The following TENM3 variants were observed in gnomAD, a reference collection of about 807,000 sequenced individuals.
The protein encoded by TENM3 is teneurin-3.
TENM3 carries 63 observed loss-of-function variants against 255.1 expected under a neutral mutation model. The observed-to-expected ratio is 0.25, with a 90% CI of 0.20 to 0.30. The LOEUF is 0.30. TENM3 is among the 10% of genes least tolerant of loss of function. TENM3 has a pLI of 1.00. For missense variants in TENM3, 2,929 were observed against 3,461.1 expected (o/e 0.85, Z 3.86); for synonymous variants, 1,306 against 1,322.3 (o/e 0.99, Z 0.27).
At chr4:181,631,565 C>G in the TENM3 span, among the ~76,000 whole-genome samples, 2 of 152,162 alleles carry the variant, frequency 1.3e-5, no homozygotes, top group Admixed American at 1.3e-4. Context: ...GCTCAGATTA[C>G]AGGCATGAGC....
intron 22 of TENM3, among the ~76,000 whole-genome samples, chr4:182,760,604 CTG>C (rs1386326471): frequency 3.9e-5 from 6 of 152,190 alleles, no homozygotes; most frequent in Non-Finnish European, 5.9e-5. Context: ...GGAGCTGACT[CTG>C]TGATCTTTTG....
chr4:182,155,319 A>G (rs1361250906), intron 1 of TENM3, among the ~76,000 whole-genome samples: 2 of 152,148 alleles, frequency 1.3e-5, no homozygotes, highest in Non-Finnish European at 2.9e-5. Flanking sequence ...AAGTTTTTCT[A>G]CAGTATAAGT....
intron 3 of TENM3, among the ~76,000 whole-genome samples, chr4:182,568,229 G>A (rs1252260951): frequency 6.6e-6 from 1 of 152,172 alleles, no homozygotes; most frequent in East Asian, 1.9e-4. Flanking sequence ...ACAGCATTCT[G>A]CAACTAGTCA....
chr4:181,863,114 C>A, the TENM3 span, among the ~76,000 whole-genome samples: 1 of 152,102 alleles, frequency 6.6e-6, no homozygotes, highest in East Asian at 1.9e-4. Flanking sequence ...GCTACCTTAA[C>A]CCTAATTTAA....
chr4:181,726,021 A>G, the TENM3 span, among the ~76,000 whole-genome samples: 2 of 152,188 alleles, frequency 1.3e-5, no homozygotes, highest in South Asian at 2.1e-4. Context: ...AAAGAAGGAA[A>G]GAAATATAAG....
At chr4:182,287,645 G>A (rs1484636932) in intron 1 of TENM3, among the ~76,000 whole-genome samples, 3 of 103,940 alleles carry the variant, frequency 2.9e-5, no homozygotes, top group Admixed American at 2.8e-4. Flanking sequence ...ACTGAGTCTC[G>A]CTCTGACACC....
At chr4:182,278,974 G>C (rs539938062) in intron 1 of TENM3, among the ~76,000 whole-genome samples, 9 of 152,356 alleles carry the variant, frequency 5.9e-5, no homozygotes, top group African/African-American at 2.2e-4. Flanking sequence ...TCTGGAGGCT[G>C]CGCTTGAAGA....
At chr4:182,548,601 TG>T (rs1298817145) in intron 3 of TENM3, 1 of 152,162 alleles carries the variant, frequency 6.6e-6, no homozygotes, top group Non-Finnish European at 1.5e-5. Flanking sequence ...GGCAAGCGTG[TG>T]GGACATTTGT....
the TENM3 span, among the ~76,000 whole-genome samples, chr4:181,491,771 A>G: frequency 6.6e-6 from 1 of 152,100 alleles, no homozygotes; most frequent in South Asian, 2.1e-4. Context: ...TTGCTTTTAA[A>G]CCAGAAAAGT....
At chr4:181,770,950 T>C in the TENM3 span, among the ~76,000 whole-genome samples, 75,542 of 152,020 alleles carry the variant, frequency 0.5, 18,920 homozygotes, top group South Asian at 0.59. Flanking sequence ...GAAGATACTA[T>C]TGTTGTCCCT....
intron 3 of TENM3, among the ~76,000 whole-genome samples, chr4:182,589,270 T>C (rs1329763042): frequency 6.6e-6 from 1 of 152,038 alleles, no homozygotes; most frequent in Non-Finnish European, 1.5e-5. Flanking sequence ...ATCTGAATGA[T>C]TTTCTCAGAT....
At chr4:181,859,623 T>C in the TENM3 span, among the ~76,000 whole-genome samples, 3 of 152,230 alleles carry the variant, frequency 2.0e-5, no homozygotes, top group African/African-American at 7.2e-5. Context: ...CAGTATTCAG[T>C]TGCATTTCCC....
chr4:181,684,918 CTTTTTTTTTT>C, the TENM3 span, among the ~76,000 whole-genome samples: 1 of 45,050 alleles, frequency 2.2e-5, no homozygotes, highest in African/African-American at 8.5e-5. Flanking sequence ...CCGTGCCTGG[CTTTTTTTTTT>C]TTTTTTTTTT....
chr4:182,774,959 C>A lies in TENM3; in HGVS notation c.5110C>A (p.Leu1704Ile). ...NSYQIGYDGS[L>I]RIIYASGLDS... ...CTACCAGATTGGTTATGACGGCTCC[C>A]TCAGAATTATCTACGCCAGTGGCCT... Residue 1704 changes from leucine (L) to isoleucine (I), a missense_variant, in exon 24 of 28, where the codon CTC (leucine) becomes ATC (isoleucine). By Grantham distance (5) the Leu-to-Ile change is conservative. Transcript: ENST00000511685. 6.2e-7 allele frequency: 1 copy of A among 1,613,846 alleles called. No homozygotes were observed. The highest frequency in any genetic ancestry group is 1.6e-4 in the Middle Eastern group (1 of 6,062).
At chr4:182,767,435 A>G (rs532266002) in intron 22 of TENM3, among the ~76,000 whole-genome samples, 1 of 152,276 alleles carries the variant, frequency 6.6e-6, no homozygotes, top group South Asian at 2.1e-4. Context: ...GCAATGTGGG[A>G]AAAGTCTTGC....
intron 3 of TENM3, among the ~76,000 whole-genome samples, chr4:182,490,487 G>A (rs915368008): frequency 1.1e-4 from 17 of 152,066 alleles, no homozygotes; most frequent in African/African-American, 2.2e-4. Context: ...TCTGCTGGGC[G>A]TTGTGAGTCA....
Position 182,657,716 on chromosome 4 carries a change from C to T in TENM3, c.1111+3823C>T, listed in dbSNP as rs866284297. ...TCGCCCAGGCTGGAATGCAGTGGCACAGTCACAGCTTGGCTCACTGCAGCC... is the reference window on the plus strand; with the variant it reads ...TCGCCCAGGCTGGAATGCAGTGGCATAGTCACAGCTTGGCTCACTGCAGCC... On this transcript the variant is annotated intron_variant, in intron 6 of 27. Transcript: ENST00000511685. Among the ~76,000 whole-genome samples the T allele has an allele frequency of 2.0e-5, 3 of 152,282 alleles. No individual in the cohort carries two copies. In the South Asian group the frequency reaches 6.2e-4, roughly 32 times the overall value.
the TENM3 span, among the ~76,000 whole-genome samples, chr4:182,099,252 C>T: frequency 6.6e-6 from 1 of 151,988 alleles, no homozygotes; most frequent in African/African-American, 2.4e-5. Flanking sequence ...GCATGAGCCG[C>T]CATGCCCGGC....
intron 1 of TENM3, among the ~76,000 whole-genome samples, chr4:182,276,830 T>C (rs911556603): frequency 2.6e-5 from 4 of 152,232 alleles, no homozygotes; most frequent in African/African-American, 9.6e-5. Flanking sequence ...TGGCAAACTT[T>C]GATATCTCTC....
Sources: allele counts gnomAD v4.1 joint callset (sites outside exome capture counted in the v4.1 genomes callset), GRCh38; gene constraint gnomAD v4.1.1; transcripts MANE v1.5; gene names NCBI Gene and HGNC (gene_info 2026-07-23, HGNC 2026-07-21).